ME1: variants seen among roughly 807,000 people sequenced by gnomAD.
ME1 encodes the protein malic enzyme 1, also known as NADP-dependent malic enzyme.
A neutral mutation model predicts 66.4 loss-of-function variants in ME1; 74 were observed. The observed-to-expected ratio is 1.11, with a 90% CI of 0.92 to 1.35. The LOEUF is 1.35. ME1 is among the 40% of genes most tolerant of loss of function. The probability of loss-of-function intolerance (pLI) is 0.00; values close to 1 mark genes in which losing one functional copy is unlikely to be tolerated. For synonymous variants in ME1, 251 were observed against 235.6 expected (o/e 1.07, Z -0.60); for missense variants, 750 against 694.1 (o/e 1.08, Z -0.90).
At chr6:83,430,216 G>C (rs943230820) in intron 1 of ME1, among the ~76,000 whole-genome samples, 1 of 148,814 alleles carries the variant, frequency 6.7e-6, no homozygotes, top group African/African-American at 2.6e-5. Context: ...ACAAAAGAAA[G>C]AAAGAAAAGA....
At chr6:83,251,640 G>T (rs1335079558) in intron 7 of ME1, among the ~76,000 whole-genome samples, 3 of 152,156 alleles carry the variant, frequency 2.0e-5, no homozygotes, top group Non-Finnish European at 2.9e-5. Context: ...ATTGAGATGA[G>T]ATTTGAAGAG....
intron 6 of ME1, among the ~76,000 whole-genome samples, chr6:83,303,081 C>T (rs16883480): frequency 0.038 from 5,769 of 152,056 alleles, 371 homozygotes; most frequent in African/African-American, 0.13. Flanking sequence ...AATAATGAAT[C>T]TGATCTTGAG....
At chr6:83,321,553 A>C (rs1264059146) in intron 5 of ME1, among the ~76,000 whole-genome samples, 3 of 152,076 alleles carry the variant, frequency 2.0e-5, no homozygotes, top group Non-Finnish European at 4.4e-5. Context: ...GACTGGGTGA[A>C]GCCCACCACA....
intron 7 of ME1, among the ~76,000 whole-genome samples, chr6:83,245,475 G>A (rs966321479): frequency 1.3e-5 from 2 of 151,970 alleles, no homozygotes; most frequent in Admixed American, 6.6e-5. Flanking sequence ...GCATGATCTC[G>A]GCTCACTGCA....
intron 1 of ME1, among the ~76,000 whole-genome samples, chr6:83,428,088 G>A (rs1233534690): frequency 6.6e-6 from 1 of 151,146 alleles, no homozygotes; most frequent in Non-Finnish European, 1.5e-5. Flanking sequence ...CATAAAAACA[G>A]AGGTGTTAAA....
At chr6:83,392,840 A>G in intron 3 of ME1, 3 of 755,694 alleles carry the variant, frequency 4.0e-6, no homozygotes, top group Non-Finnish European at 7.1e-6. Flanking sequence ...AAATATGACA[A>G]CAGCTCAAGA....
intron 5 of ME1, among the ~76,000 whole-genome samples, chr6:83,340,679 C>CT (rs1181781623): frequency 8.1e-6 from 1 of 123,458 alleles, no homozygotes; most frequent in Non-Finnish European, 1.7e-5. Flanking sequence ...TTGTTATGTG[C>CT]TATTTTTTTT....
At chr6:83,280,375 T>A in intron 6 of ME1, among the ~76,000 whole-genome samples, 1 of 152,182 alleles carries the variant, frequency 6.6e-6, no homozygotes, top group East Asian at 1.9e-4. Flanking sequence ...ATATGGTACC[T>A]GCAGTATTCA....
At chr6:83,343,366 T>A (rs909995693) in intron 5 of ME1, among the ~76,000 whole-genome samples, 5 of 152,104 alleles carry the variant, frequency 3.3e-5, no homozygotes, top group Non-Finnish European at 4.4e-5. Flanking sequence ...ATTTGAGGAG[T>A]TTCAGAAAGG....
intron 6 of ME1, among the ~76,000 whole-genome samples, chr6:83,277,594 A>C (rs554090972): frequency 6.6e-6 from 1 of 152,268 alleles, no homozygotes; most frequent in East Asian, 1.9e-4. Context: ...TATCAAACTA[A>C]AACTAAGAAC....
At chr6:83,298,654 G>A (rs1767649388) in intron 6 of ME1, among the ~76,000 whole-genome samples, 1 of 152,034 alleles carries the variant, frequency 6.6e-6, no homozygotes, top group African/African-American at 2.4e-5. Context: ...CCTATGTCTT[G>A]AATGGTATTA....
chr6:83,413,746 T>C (rs1770096259), intron 1 of ME1, among the ~76,000 whole-genome samples: 2 of 152,148 alleles, frequency 1.3e-5, no homozygotes, highest in South Asian at 4.1e-4. Flanking sequence ...CCTCCAAGGC[T>C]TCTATAGTGC....
At chr6:83,350,365 T>C (rs1420975078) in intron 4 of ME1, among the ~76,000 whole-genome samples, 2 of 152,156 alleles carry the variant, frequency 1.3e-5, no homozygotes, top group Admixed American at 6.5e-5. Context: ...ACAAGAAACA[T>C]GGTGTGATAG....
At chr6:83,324,679 G>GA (rs1768249438) in intron 5 of ME1, among the ~76,000 whole-genome samples, 1 of 103,232 alleles carries the variant, frequency 9.7e-6, no homozygotes, top group Admixed American at 1.5e-4. Flanking sequence ...CCAATAACAA[G>GA]TTCTAAAACT....
chr6:83,280,659 G>A (rs996505727), intron 6 of ME1, among the ~76,000 whole-genome samples: 19 of 152,002 alleles, frequency 1.2e-4, no homozygotes, highest in Non-Finnish European at 2.8e-4. Context: ...TTGGCAAGAT[G>A]GTAAATAAAC....
chr6:83,280,011 T>C (rs1767259322), intron 6 of ME1, among the ~76,000 whole-genome samples: 1 of 152,182 alleles, frequency 6.6e-6, no homozygotes, highest in Non-Finnish European at 1.5e-5. Flanking sequence ...CCTACAATTC[T>C]GCATCATGTA....
At chr6:83,357,927 CTCTCTCTCTA>C (rs1341198330) in intron 3 of ME1, among the ~76,000 whole-genome samples, 135 of 58,308 alleles carry the variant, frequency 2.3e-3, no homozygotes, top group Non-Finnish European at 2.5e-3. Flanking sequence ...CTCTCTCTCT[CTCTCTCTCTA>C]TATATATATA....
At chr6:83,223,113 C>T (rs1790124053) in intron 12 of ME1, among the ~76,000 whole-genome samples, 1 of 152,168 alleles carries the variant, frequency 6.6e-6, no homozygotes, top group Non-Finnish European at 1.5e-5. Flanking sequence ...CTGTTCTCAA[C>T]AGGGAAATAT....
At chr6:83,278,053 C>T (rs1270805359) in intron 6 of ME1, among the ~76,000 whole-genome samples, 2 of 152,078 alleles carry the variant, frequency 1.3e-5, no homozygotes, top group Non-Finnish European at 2.9e-5. Context: ...AGCTTGGAAA[C>T]TGTTACTCCC....
Sources: gnomAD v4.1 joint callset for allele counts (sites outside exome capture counted in the v4.1 genomes callset) on GRCh38, gnomAD v4.1.1 for gene constraint, MANE v1.5 for transcripts, NCBI Gene and HGNC (gene_info 2026-07-23, HGNC 2026-07-21) for gene names.